Variants in RSBN1L observed in about 807,000 individuals in gnomAD.
The protein encoded by RSBN1L is round spermatid basic protein 1 like.
A neutral mutation model predicts 67.7 loss-of-function variants in RSBN1L; 30 were observed. The ratio of observed to expected loss-of-function variants is 0.44; its 90% confidence interval spans 0.33 to 0.60. The LOEUF is 0.60. Ranked by LOEUF, RSBN1L falls within the 20% of genes least tolerant of loss-of-function variation. RSBN1L has a pLI of 0.02. For synonymous variants in RSBN1L, 433 were observed against 387.0 expected (o/e 1.12, Z -1.39); for missense variants, 992 against 1,031.7 (o/e 0.96, Z 0.53).
At chr7:77,736,336 T>A in intron 1 of RSBN1L, 74 bp from the exon 2 acceptor site, 1 of 684,998 alleles carries the variant, frequency 1.5e-6, no homozygotes, top group Non-Finnish European at 2.0e-6. Context: ...TTCCAGAAAT[T>A]TACCTATAGT....
chr7:77,699,213 A>T (rs1790781088), intron 1 of RSBN1L, among the ~76,000 whole-genome samples: 1 of 152,148 alleles, frequency 6.6e-6, no homozygotes, highest in Non-Finnish European at 1.5e-5. Flanking sequence ...CCCCTCAATT[A>T]TCCACAGCTG....
At chr7:77,727,828 A>G (rs1791227129) in intron 1 of RSBN1L, among the ~76,000 whole-genome samples, 1 of 152,180 alleles carries the variant, frequency 6.6e-6, no homozygotes, top group South Asian at 2.1e-4. Context: ...CCTTAGTTAA[A>G]ACAATAGTCA....
rs1172527880 is a variant in RSBN1L at position 77,696,981 on chromosome 7, A to G, written c.512A>G (p.His171Arg). ...KEKREKERRR[H>R]GLGGAREAGG... ...AAGCGGGAGAAGGAGAGGAGGAGGC[A>G]CGGTCTCGGTGGGGCCCGAGAGGCC... Residue 171 changes from histidine (H) to arginine (R), a missense_variant, in exon 1 of 8, where the codon CAC becomes CGC. His to Arg is a conservative substitution (Grantham distance 29, BLOSUM62 0). Coordinates refer to ENST00000334955, the MANE Select transcript of RSBN1L (RefSeq NM_198467.3). 1.9e-6 allele frequency: 3 copies of G among 1,551,752 alleles called. No individual in the cohort carries two copies. Among genetic ancestry groups the G allele is most frequent in the African/African-American group, 1.4e-5 (1 of 73,290 alleles).
chr7:77,763,970 T>C (rs138780948), intron 3 of RSBN1L, among the ~76,000 whole-genome samples: 64 of 152,368 alleles, frequency 4.2e-4, no homozygotes, highest in African/African-American at 1.4e-3. Flanking sequence ...CTGATTATAA[T>C]AACAAATGAG....
In RSBN1L at chr7:77,779,198, T is replaced by A. The variant is rs759174025; in HGVS notation, c.*30T>A. The A allele has an allele frequency of 2.2e-5, 32 of 1,446,154 alleles. No homozygotes were observed. The highest frequency in any genetic ancestry group is 1.6e-4 in the African/African-American group (11 of 69,834). 89.6% of individuals were successfully genotyped at this position (1,446,154 alleles called of 1,614,324 possible). On this transcript the variant is annotated 3_prime_UTR_variant, in exon 8 of 8. Coordinates refer to ENST00000334955, the MANE Select transcript of RSBN1L (RefSeq NM_198467.3). The stretch of plus-strand genomic sequence containing the variant: ...GCATATACCATCTAAAATCCTTTTT[T>A]AAAAAAATTTAATGTAATAAAGATT...
At chr7:77,763,319 A>G (rs188481095) in intron 3 of RSBN1L, among the ~76,000 whole-genome samples, 2 of 152,088 alleles carry the variant, frequency 1.3e-5, no homozygotes, top group East Asian at 1.9e-4. Context: ...CACTTGGAAA[A>G]TTTGTGTTTT....
At chr7:77,739,952 A>G (rs1030701247) in intron 2 of RSBN1L, among the ~76,000 whole-genome samples, 5 of 150,786 alleles carry the variant, frequency 3.3e-5, no homozygotes, top group Admixed American at 2.0e-4. Flanking sequence ...GGGTTTCACC[A>G]TGTTGCCCAG....
intron 2 of RSBN1L, among the ~76,000 whole-genome samples, chr7:77,739,653 C>CAGTG (rs1791381596): frequency 1.6e-5 from 2 of 126,438 alleles, no homozygotes; most frequent in Admixed American, 1.8e-4. Flanking sequence ...GCAAAGGCTG[C>CAGTG]AGCCGAGATT....
At chr7:77,747,476 G>C (rs1171505471) in intron 2 of RSBN1L, among the ~76,000 whole-genome samples, 1 of 152,158 alleles carries the variant, frequency 6.6e-6, no homozygotes, top group Non-Finnish European at 1.5e-5. Context: ...CTGCTCCCCA[G>C]CCATCCCAGC....
chr7:77,748,545 T>A (rs1181219639), intron 2 of RSBN1L, among the ~76,000 whole-genome samples: 3 of 152,178 alleles, frequency 2.0e-5, no homozygotes, highest in Admixed American at 6.5e-5. Flanking sequence ...TGGAGTGCAG[T>A]GGCACGATCT....
intron 1 of RSBN1L, among the ~76,000 whole-genome samples, chr7:77,731,294 A>G (rs932895673): frequency 6.6e-6 from 1 of 151,926 alleles, no homozygotes; most frequent in African/African-American, 2.4e-5. Flanking sequence ...GCTCCCTGCA[A>G]CCTCTGTCTC....
chr7:77,721,874 T>C (rs1368534104), intron 1 of RSBN1L, among the ~76,000 whole-genome samples: 1 of 152,140 alleles, frequency 6.6e-6, no homozygotes, highest in Non-Finnish European at 1.5e-5. Flanking sequence ...ATTTAAGGAA[T>C]CTTTTTTGGT....
At chr7:77,706,523 T>C (rs185657806) in intron 1 of RSBN1L, among the ~76,000 whole-genome samples, 32 of 152,350 alleles carry the variant, frequency 2.1e-4, no homozygotes, top group African/African-American at 7.2e-4. Flanking sequence ...AATGGTATTA[T>C]ATTGTTAATT....
intron 1 of RSBN1L, among the ~76,000 whole-genome samples, chr7:77,698,016 G>A (rs35216166): frequency 0.06 from 9,188 of 152,218 alleles, 385 homozygotes; most frequent in Middle Eastern, 0.092. Context: ...CTGCTACACA[G>A]TGTTGTCAAA....
chr7:77,746,035 G>A (rs1013720727), intron 2 of RSBN1L, among the ~76,000 whole-genome samples: 5 of 152,172 alleles, frequency 3.3e-5, no homozygotes, highest in African/African-American at 7.2e-5. Flanking sequence ...TCGCTGGCTC[G>A]CCCACTGCTC....
intron 4 of RSBN1L, among the ~76,000 whole-genome samples, chr7:77,767,453 A>T (rs888942929): frequency 6.6e-6 from 1 of 151,856 alleles, no homozygotes; most frequent in African/African-American, 2.4e-5. Flanking sequence ...GGCTCACTGC[A>T]ACCTCTGCCT....
chr7:77,737,892 G>A (rs1791357748), intron 2 of RSBN1L, among the ~76,000 whole-genome samples: 1 of 151,990 alleles, frequency 6.6e-6, no homozygotes, highest in Non-Finnish European at 1.5e-5. Context: ...CATGATGGTG[G>A]ACATCTGTAA....
At chr7:77,723,409 G>A (rs1288718461) in intron 1 of RSBN1L, among the ~76,000 whole-genome samples, 2 of 152,074 alleles carry the variant, frequency 1.3e-5, no homozygotes, top group Admixed American at 1.3e-4. Context: ...AAACTGTTAA[G>A]CCTAATAAAT....
At chr7:77,760,135 T>C (rs972802929) in intron 3 of RSBN1L, among the ~76,000 whole-genome samples, 9 of 152,238 alleles carry the variant, frequency 5.9e-5, no homozygotes, top group African/African-American at 2.2e-4. Context: ...TGGCAACATA[T>C]TTCCTGTTAA....
Sources: allele counts gnomAD v4.1 joint callset (sites outside exome capture counted in the v4.1 genomes callset), GRCh38; gene constraint gnomAD v4.1.1; transcripts MANE v1.5; gene names NCBI Gene and HGNC (gene_info 2026-07-23, HGNC 2026-07-21).